CARMIL1: variants seen among roughly 807,000 people sequenced by gnomAD.
CARMIL1 encodes F-actin-uncapping protein LRRC16A.
A neutral mutation model predicts 177.1 loss-of-function variants in CARMIL1; 90 were observed. That is an observed-to-expected ratio of 0.51 (90% confidence interval 0.43 to 0.61). CARMIL1 has a LOEUF of 0.61. Among genes scored for constraint, CARMIL1 ranks in the 20% least tolerant of loss-of-function variants. CARMIL1 has a pLI of 0.00. For synonymous variants in CARMIL1, 577 were observed against 606.2 expected, an observed-to-expected ratio of 0.95 and a Z score of 0.71; for missense variants, 1,380 against 1,667.0, an observed-to-expected ratio of 0.83 and a Z score of 3.00.
intron 11 of CARMIL1, among the ~76,000 whole-genome samples, chr6:25,475,445 G>A (rs1801473670): frequency 2.0e-5 from 3 of 151,316 alleles, no homozygotes; most frequent in Admixed American, 2.0e-4. Flanking sequence ...ATATAACCCA[G>A]AAATTCCACT....
intron 36 of CARMIL1, 135 bp from the exon 37 acceptor site, chr6:25,619,312 T>C: frequency 4.1e-6 from 3 of 727,470 alleles, no homozygotes; most frequent in Non-Finnish European, 6.7e-6. Context: ...TAATAGCAAG[T>C]TTGTTTCTGA....
At chr6:25,542,480 T>A (rs1809019165) in intron 26 of CARMIL1, among the ~76,000 whole-genome samples, 2 of 152,292 alleles carry the variant, frequency 1.3e-5, no homozygotes, top group East Asian at 3.9e-4. Context: ...GCCTCCTTAT[T>A]TGCAAATATC....
intron 1 of CARMIL1, among the ~76,000 whole-genome samples, 172 bp from the exon 2 acceptor site, chr6:25,284,640 C>T (rs951363183): frequency 3.9e-5 from 6 of 152,126 alleles, no homozygotes; most frequent in East Asian, 3.9e-4. Context: ...ACCCAGGAGG[C>T]GGAGGTTGCA....
intron 32 of CARMIL1, among the ~76,000 whole-genome samples, chr6:25,596,067 G>A (rs1232089682): frequency 2.6e-5 from 4 of 152,044 alleles, no homozygotes; most frequent in African/African-American, 4.8e-5. Flanking sequence ...CATTCGATCC[G>A]AACTGTACAT....
rs1396533847 is a variant in CARMIL1, at chr6:25,606,338, G to C, written c.3847+65G>C. The C allele has an allele frequency of 4.0e-6, 6 of 1,486,984 alleles. No homozygotes were observed. In the African/African-American group the frequency reaches 8.3e-5, roughly 21 times the overall value. The allele number at this position is 1,486,984 out of a possible 1,614,324, so 92.1% of individuals were successfully genotyped here. A position where few individuals can be genotyped will look rare whatever the true frequency, so the allele number is the denominator to read the frequency against. On this transcript the variant is annotated intron_variant, in intron 35 of 36. Coordinates refer to ENST00000329474, the MANE Select transcript of CARMIL1 (RefSeq NM_017640.6). ...TGGCTTCCCAGAGCCAGCTGGATCA[G>C]ACTCTGCAGGTGGTTTCAGGGGCAG... is the stretch of plus-strand genomic sequence containing the variant.
At chr6:25,619,358 C>A in intron 36 of CARMIL1, 89 bp from the exon 37 acceptor site, 1 of 1,391,570 alleles carries the variant, frequency 7.2e-7, no homozygotes, top group Non-Finnish European at 9.7e-7. Context: ...TCCCCCAAAC[C>A]TTCAAGGCTA....
intron 24 of CARMIL1, among the ~76,000 whole-genome samples, chr6:25,532,937 C>A (rs1343849383): frequency 2.0e-5 from 3 of 152,038 alleles, no homozygotes; most frequent in African/African-American, 7.2e-5. Context: ...AGTGTTATTA[C>A]AATAAAACTG....
intron 2 of CARMIL1, among the ~76,000 whole-genome samples, chr6:25,358,814 G>C (rs1252465392): frequency 6.6e-6 from 1 of 152,186 alleles, no homozygotes; most frequent in East Asian, 1.9e-4. Flanking sequence ...TGCAAAACAG[G>C]TGTACTTGGT....
chr6:25,600,647 C>G lies in CARMIL1; in HGVS notation c.3453C>G (p.Ser1151Arg). 1.2e-6 allele frequency: 2 copies of G among 1,613,528 alleles called. No individual in the cohort carries two copies. Among genetic ancestry groups the G allele is most frequent in the Non-Finnish European group, 1.7e-6 (2 of 1,179,690 alleles). ...GKVERSDSKS[S>R]PQAGRRYGVQ... Reference sequence around the variant, plus strand: ...TGGAACGGAGTGACAGCAAGAGCAGCCCACAGGCAGGGCGGAGGTATGGGG... The same window carrying G: ...TGGAACGGAGTGACAGCAAGAGCAGGCCACAGGCAGGGCGGAGGTATGGGG... The change falls in exon 33 of 37, where the codon AGC (serine) becomes AGG (arginine). Residue 1151 changes from serine (S) to arginine (R), a missense_variant. Ser to Arg is a moderately radical substitution (Grantham distance 110). Coordinates refer to ENST00000329474, the MANE Select transcript of CARMIL1 (RefSeq NM_017640.6).
chr6:25,441,320 CATATATAT>C (rs199573016), intron 5 of CARMIL1, among the ~76,000 whole-genome samples: 1 of 99,628 alleles, frequency 1.0e-5, no homozygotes, highest in Non-Finnish European at 2.0e-5. Flanking sequence ...AACAAACAAA[CATATATAT>C]ATATATATAT....
At chr6:25,360,379 C>G (rs1789070374) in intron 2 of CARMIL1, among the ~76,000 whole-genome samples, 1 of 152,120 alleles carries the variant, frequency 6.6e-6, no homozygotes, top group African/African-American at 2.4e-5. Context: ...AAAAGATAAC[C>G]AGGCTTCTTG....
chr6:25,455,478 T>G (rs986870653), intron 8 of CARMIL1, among the ~76,000 whole-genome samples: 10 of 152,202 alleles, frequency 6.6e-5, no homozygotes, highest in African/African-American at 2.4e-4. Context: ...AGTCCCAGAA[T>G]AAAGGATTTT....
rs1812724990 is a variant in CARMIL1, at chr6:25,577,669, G to A, written c.2743-3255G>A. On this transcript the variant is annotated intron_variant, in intron 29 of 36. Coordinates refer to ENST00000329474, the MANE Select transcript of CARMIL1 (RefSeq NM_017640.6). The surrounding 1 kb of genome is among the most constrained non-coding windows in gnomAD (Gnocchi z 4.5). ...AAAGTGGGTTTGACAGGAAAAAAAT[G>A]TTACGTTGTTTGGAAGGTTCCAAGA... is the stretch of plus-strand genomic sequence containing the variant. 6.6e-6 allele frequency among the ~76,000 whole-genome samples: 1 copy of A among 152,084 alleles called. No homozygotes were observed. The highest frequency in any genetic ancestry group is 6.5e-5 in the Admixed American group (1 of 15,272).
At chr6:25,456,686 CAAG>C (rs1286946238) in intron 8 of CARMIL1, among the ~76,000 whole-genome samples, 1 of 152,024 alleles carries the variant, frequency 6.6e-6, no homozygotes, top group Non-Finnish European at 1.5e-5. Context: ...TTACTGGTGC[CAAG>C]AAGAAGAAAA....
At chr6:25,409,732 A>T (rs78921616) in intron 2 of CARMIL1, among the ~76,000 whole-genome samples, 1 of 152,138 alleles carries the variant, frequency 6.6e-6, no homozygotes, top group Non-Finnish European at 1.5e-5. Flanking sequence ...ACACACACAC[A>T]TTTGCATGCG....
intron 29 of CARMIL1, among the ~76,000 whole-genome samples, chr6:25,580,007 A>G (rs1452011637): frequency 6.6e-6 from 1 of 152,196 alleles, no homozygotes; most frequent in Non-Finnish European, 1.5e-5. Context: ...CAGTTTCCTG[A>G]TATCAAACCA....
intron 2 of CARMIL1, among the ~76,000 whole-genome samples, chr6:25,336,583 A>G (rs1175108270): frequency 6.6e-6 from 1 of 152,324 alleles, no homozygotes; most frequent in South Asian, 2.1e-4. Context: ...AAATGACTTA[A>G]TGGATGTAAA....
chr6:25,584,571 A>G (rs1813464718), intron 31 of CARMIL1, among the ~76,000 whole-genome samples: 3 of 151,890 alleles, frequency 2.0e-5, no homozygotes, highest in Admixed American at 6.6e-5. Flanking sequence ...TGCAGACTCA[A>G]AGAAACAGGA....
intron 24 of CARMIL1, among the ~76,000 whole-genome samples, chr6:25,531,582 A>G (rs1807766911): frequency 6.6e-6 from 1 of 152,242 alleles, no homozygotes; most frequent in African/African-American, 2.4e-5. Context: ...AAGTTATACT[A>G]GTGAAGTAGC....
Sources: gnomAD v4.1 joint callset for allele counts (sites outside exome capture counted in the v4.1 genomes callset) on GRCh38, gnomAD v4.1.1 for gene constraint, Gnocchi (gnomAD v3.1) non-coding constraint, MANE v1.5 for transcripts, NCBI Gene and HGNC (gene_info 2026-07-23, HGNC 2026-07-21) for gene names.